Variants in ERBB4 observed in about 807,000 individuals in gnomAD.
ERBB4 encodes the protein erb-b2 receptor tyrosine kinase 4, also known as receptor tyrosine-protein kinase erbB-4.
ERBB4 carries 42 observed loss-of-function variants against 158.0 expected under a neutral mutation model. The ratio of observed to expected loss-of-function variants is 0.27; its 90% CI spans 0.21 to 0.34. ERBB4 has a LOEUF of 0.34. Ranked by LOEUF, ERBB4 falls within the 10% of genes least tolerant of loss-of-function variation. ERBB4 has a pLI of 1.00. For missense variants in ERBB4, 1,333 were observed against 1,624.1 expected (o/e 0.82, Z 3.08); for synonymous variants, 583 against 558.7 (o/e 1.04, Z -0.61).
At chr2:211,619,697 T>C (rs546403320) in intron 18 of ERBB4, among the ~76,000 whole-genome samples, 1 of 152,218 alleles carries the variant, frequency 6.6e-6, no homozygotes, top group East Asian at 1.9e-4. Context: ...TTAGAGGTTC[T>C]TCTCAGGCTG....
chr2:212,025,490 A>G (rs2076752119), intron 2 of ERBB4, among the ~76,000 whole-genome samples: 2 of 151,842 alleles, frequency 1.3e-5, no homozygotes, highest in Non-Finnish European at 3.0e-5. Context: ...CCTCAAGAAC[A>G]CTTGTGATAA....
intron 19 of ERBB4, among the ~76,000 whole-genome samples, chr2:211,585,196 C>CA (rs1315476338): frequency 1.7e-4 from 26 of 151,844 alleles, no homozygotes; most frequent in African/African-American, 2.7e-4. Flanking sequence ...ACTAAAAATA[C>CA]AAAAAATTAG....
At chr2:211,630,434 A>T (rs2125872233) in intron 17 of ERBB4, 28 bp downstream of exon 17, 2 of 1,612,552 alleles carry the variant, frequency 1.2e-6, no homozygotes, top group Non-Finnish European at 1.7e-6. Flanking sequence ...ATCCCCAAAC[A>T]CATGAAGAGG....
chr2:212,120,107 G>A (rs1007183708), intron 2 of ERBB4, among the ~76,000 whole-genome samples: 1 of 152,144 alleles, frequency 6.6e-6, no homozygotes, highest in African/African-American at 2.4e-5. Flanking sequence ...AAACAGAAAT[G>A]AATGGTTCCC....
chr2:212,136,737 G>C (rs2080283063), intron 1 of ERBB4, among the ~76,000 whole-genome samples: 1 of 152,166 alleles, frequency 6.6e-6, no homozygotes, highest in Non-Finnish European at 1.5e-5. Flanking sequence ...GGGTAAAGTT[G>C]TGTCTAATTT....
At chr2:211,513,201 C>T (rs1241818638) in intron 20 of ERBB4, among the ~76,000 whole-genome samples, 1 of 151,674 alleles carries the variant, frequency 6.6e-6, no homozygotes, top group African/African-American at 2.4e-5. Flanking sequence ...GGCGTGACGA[C>T]AAGTTTTACA....
chr2:212,165,412 T>C (rs79166860), intron 1 of ERBB4, among the ~76,000 whole-genome samples: 14,629 of 151,846 alleles, frequency 0.096, 950 homozygotes, highest in South Asian at 0.27. Flanking sequence ...CTGAGGGTAA[T>C]GAAAAAATCT....
intron 5 of ERBB4, among the ~76,000 whole-genome samples, chr2:211,738,446 G>A (rs1322586757): frequency 6.9e-6 from 1 of 145,072 alleles, no homozygotes; most frequent in Non-Finnish European, 1.5e-5. Context: ...TCGGCTCACT[G>A]CAGCCTCCAC....
chr2:211,378,267 C>T lies in ERBB4; in HGVS notation c.*5348G>A, dbSNP rs182585348. 2.6e-5 allele frequency: 6 copies of T among 232,616 alleles called. No homozygotes were observed. The highest frequency in any genetic ancestry group is 4.3e-5 in the Non-Finnish European group (5 of 117,546). 14.4% of individuals were successfully genotyped at this position (232,616 alleles called of 1,614,324 possible). On this transcript the variant is annotated 3_prime_UTR_variant, in exon 28 of 28. Coordinates refer to ENST00000342788, the MANE Select transcript of ERBB4 (RefSeq NM_005235.3). ...ATTTTCCAGAGGAAGCATGTGAATA[C>T]CCCCCGTGAAATTGGGGCTTAGAGT...
At chr2:212,426,291 A>C (rs768673400) in intron 1 of ERBB4, 2 of 475,094 alleles carry the variant, frequency 4.2e-6, no homozygotes, top group South Asian at 3.2e-5. Flanking sequence ...TGCAAAAGTA[A>C]TTACAGTTTT....
In ERBB4 at chr2:211,568,817, CAAA is replaced by C. The variant is rs1406838597; in HGVS notation, c.2302-6732_2302-6730del. Among the ~76,000 whole-genome samples the C allele has an allele frequency of 1.6e-4, 24 of 152,176 alleles. 1 individual carries two copies. The East Asian group carries it at 3.5e-3, about 22-fold the overall frequency. ...GTGAGAGTGCTAGTGATGAAGAACACAAAGAAGATAATGACGGCCACAATGATG... is the reference window on the plus strand; with the variant it reads ...GTGAGAGTGCTAGTGATGAAGAACACGAAGATAATGACGGCCACAATGATG... On this transcript the variant is annotated intron_variant, in intron 19 of 27. Coordinates refer to ENST00000342788, the MANE Select transcript of ERBB4 (RefSeq NM_005235.3).
At position 212,124,825 on chromosome 2, in the gene ERBB4, T is replaced by C. The variant is rs1559544105; in HGVS notation, c.161A>G (p.Glu54Gly). The change falls in exon 2 of 28, where the codon GAA (glutamate) becomes GGA (glycine). Residue 54 changes from glutamate to glycine, a missense_variant. By Grantham distance (98) the Glu-to-Gly change is moderately conservative (BLOSUM62 -2). Coordinates refer to ENST00000342788, the MANE Select transcript of ERBB4 (RefSeq NM_005235.3). ...GTTGCCCATGACAACCTCACAGTTT[T>C]CATAGTACTTGCGCAAGGCTCGGTA... is the stretch of plus-strand genomic sequence containing the variant. ...QQYRALRKYY[E>G]NCEVVMGNLE... 1 of 1,614,172 alleles carries C rather than the reference T, an allele frequency of 6.2e-7. No homozygotes were observed.
chr2:211,844,137 C>A (rs555119949), intron 3 of ERBB4, among the ~76,000 whole-genome samples: 1 of 63,542 alleles, frequency 1.6e-5, no homozygotes, highest in East Asian at 4.4e-4. Context: ...AATGAAAACA[C>A]TAATTTTTTT....
intron 2 of ERBB4, among the ~76,000 whole-genome samples, chr2:212,078,050 G>C (rs2078325282): frequency 6.6e-6 from 1 of 151,992 alleles, no homozygotes; most frequent in South Asian, 2.1e-4. Context: ...GGAAGTTAGA[G>C]ATTCTCTTGG....
At chr2:212,177,535 G>C (rs1025635857) in intron 1 of ERBB4, among the ~76,000 whole-genome samples, 14 of 151,806 alleles carry the variant, frequency 9.2e-5, no homozygotes, top group African/African-American at 3.4e-4. Flanking sequence ...TAATGCAGGA[G>C]ATATAAACCA....
At chr2:212,358,233 A>G (rs376304227) in intron 1 of ERBB4, among the ~76,000 whole-genome samples, 3 of 151,974 alleles carry the variant, frequency 2.0e-5, no homozygotes, top group East Asian at 3.9e-4. Context: ...TGCTGATAAT[A>G]TCAGATTAAT....
intron 19 of ERBB4, among the ~76,000 whole-genome samples, chr2:211,562,932 C>G (rs923030700): frequency 6.6e-6 from 1 of 151,794 alleles, no homozygotes; most frequent in Non-Finnish European, 1.5e-5. Flanking sequence ...CCACTACGCC[C>G]GGCTAATGTT....
chr2:212,143,821 GC>G, intron 1 of ERBB4, among the ~76,000 whole-genome samples: 2 of 152,022 alleles, frequency 1.3e-5, no homozygotes, highest in South Asian at 4.2e-4. Context: ...TTCGAGACTA[GC>G]TTGGCCAATA....
intron 4 of ERBB4, among the ~76,000 whole-genome samples, chr2:211,759,066 T>C (rs971784222): frequency 1.3e-5 from 2 of 152,180 alleles, no homozygotes; most frequent in Non-Finnish European, 2.9e-5. Context: ...CTTCCCCATC[T>C]CAGTCAATAG....
Sources: gnomAD v4.1 joint callset for allele counts (sites outside exome capture counted in the v4.1 genomes callset) on GRCh38, gnomAD v4.1.1 for gene constraint, MANE v1.5 for transcripts, NCBI Gene and HGNC (gene_info 2026-07-23, HGNC 2026-07-21) for gene names.